The following ZNF343 variants were observed in gnomAD, a reference collection of about 807,000 sequenced individuals.
The protein encoded by ZNF343 is zinc finger protein 343.
ZNF343 carries 11 observed loss-of-function variants against 13.8 expected under a neutral mutation model. That is an observed-to-expected ratio of 0.80 (90% confidence interval 0.50 to 1.32). ZNF343 has a LOEUF of 1.32. Among genes scored for constraint, ZNF343 ranks in the 40% most tolerant of loss-of-function variants. ZNF343 has a pLI of 0.00. For synonymous variants in ZNF343, 248 were observed against 260.0 expected, an observed-to-expected ratio of 0.95 and a Z score of 0.44; for missense variants, 658 against 714.2, an observed-to-expected ratio of 0.92 and a Z score of 0.90.
Position 2,483,785 on chromosome 20 carries a change from A to C in ZNF343, c.1176T>G (p.Asp392Glu), listed in dbSNP as rs764438522. 3.7e-6 allele frequency: 6 copies of C among 1,612,500 alleles called. No homozygotes were observed. The highest frequency in any genetic ancestry group is 5.1e-6 in the Non-Finnish European group (6 of 1,179,670). Residue 392 changes from aspartate to glutamate, a missense_variant, in exon 6 of 6, where the codon GAT becomes GAG. Physicochemically the swap from Asp to Glu is conservative, Grantham distance 45 (BLOSUM62 2). Coordinates refer to ENST00000278772, the MANE Select transcript of ZNF343 (RefSeq NM_024325.6). ...VCLECGRSFC[D>E]KSTLRKHQRI... ...TCTGGTGTTTTCTGAGGGTTGACTT[A>C]TCACAAAAGCTTCGTCCACACTCCA...
At chr20:2,499,988 ATAT>A (rs1045011332) in intron 2 of ZNF343, among the ~76,000 whole-genome samples, 11 of 152,208 alleles carry the variant, frequency 7.2e-5, no homozygotes, top group African/African-American at 2.7e-4. Flanking sequence ...GAATGTGGTA[ATAT>A]TATGGTTACA....
chr20:2,489,662 G>A (rs186963072), intron 5 of ZNF343, among the ~76,000 whole-genome samples: 282 of 152,296 alleles, frequency 1.9e-3, no homozygotes, highest in Non-Finnish European at 2.2e-3. Flanking sequence ...TAACCAAGAG[G>A]TAATGTGAGA....
intron 5 of ZNF343, 77 bp downstream of exon 5, chr20:2,492,622 A>AT: frequency 1.9e-6 from 3 of 1,550,012 alleles, no homozygotes; most frequent in South Asian, 2.4e-5. Context: ...TATCTAGAAC[A>AT]TTTTTTTGTG....
At position 2,493,934 on chromosome 20, in the gene ZNF343, C is replaced by T; in HGVS notation, c.-39G>A. 7.4e-7 allele frequency: 1 copy of T among 1,346,156 alleles called. No individual in the cohort carries two copies. The highest frequency in any genetic ancestry group is 1.1e-6 in the Non-Finnish European group (1 of 936,034). The allele number at this position is 1,346,156 out of a possible 1,614,324, so 83.4% of individuals were successfully genotyped here. A position where few individuals can be genotyped will look rare whatever the true frequency, so the allele number is the denominator to read the frequency against. ...GCCCAGTGTGTGCCTTGAAATTCTG[C>T]CAGAGGTCCAGGTAGATGTTATTTC... On this transcript the variant is annotated 5_prime_UTR_variant, in exon 3 of 6. Coordinates refer to ENST00000278772, the MANE Select transcript of ZNF343 (RefSeq NM_024325.6).
At chr20:2,495,461 T>C (rs1436880993) in intron 2 of ZNF343, 7 of 152,212 alleles carry the variant, frequency 4.6e-5, no homozygotes, top group East Asian at 1.9e-4. Context: ...TTTCTAAGCA[T>C]TGCATAATTC....
chr20:2,504,385 G>A (rs1600072815), intron 1 of ZNF343, among the ~76,000 whole-genome samples: 1 of 152,228 alleles, frequency 6.6e-6, no homozygotes, highest in South Asian at 2.1e-4. Context: ...GGAGGAGCTG[G>A]TACCATTCCT....
chr20:2,490,902 G>A (rs1046359685), intron 5 of ZNF343, among the ~76,000 whole-genome samples: 9 of 152,152 alleles, frequency 5.9e-5, no homozygotes, highest in East Asian at 1.9e-4. Flanking sequence ...GAACGAGTCC[G>A]AAATGGATGA....
In ZNF343 at chr20:2,499,281, C is replaced by T. The variant is rs551667433; in HGVS notation, c.-150+1375G>A. Among the ~76,000 whole-genome samples, 16 of 126,910 alleles carry T rather than the reference C, an allele frequency of 1.3e-4. No homozygotes were observed. In the South Asian group the frequency reaches 1.7e-3, roughly 13 times the overall value. The allele number at this position is 126,910 out of a possible 152,430, so 83.3% of individuals were successfully genotyped here. A position where few individuals can be genotyped will look rare whatever the true frequency, so the allele number is the denominator to read the frequency against. ...GAGATCGAGACCATCCCGGCTAAAACGGTGAAACCCCGTCTCTACTAAAAA... is the reference window on the plus strand; with the variant it reads ...GAGATCGAGACCATCCCGGCTAAAATGGTGAAACCCCGTCTCTACTAAAAA... On this transcript the variant is annotated intron_variant, in intron 2 of 5. Coordinates refer to ENST00000278772, the MANE Select transcript of ZNF343 (RefSeq NM_024325.6).
chr20:2,522,628 G>A (rs529166704), intron 1 of ZNF343, among the ~76,000 whole-genome samples: 2 of 152,210 alleles, frequency 1.3e-5, no homozygotes, highest in South Asian at 2.1e-4. Flanking sequence ...TATTTACTCC[G>A]ACTCATAATA....
At chr20:2,503,131 A>G (rs2085597599) in intron 1 of ZNF343, among the ~76,000 whole-genome samples, 1 of 152,208 alleles carries the variant, frequency 6.6e-6, no homozygotes. Flanking sequence ...TACCAAGCAA[A>G]TGGAAAACAA....
chr20:2,522,235 G>A (rs539545561), intron 1 of ZNF343, among the ~76,000 whole-genome samples: 38 of 152,286 alleles, frequency 2.5e-4, no homozygotes, highest in African/African-American at 8.9e-4. Context: ...CACATAACAA[G>A]TTAGGTTAAG....
intron 1 of ZNF343, among the ~76,000 whole-genome samples, chr20:2,503,032 G>C (rs1484724645): frequency 6.6e-6 from 1 of 152,164 alleles, no homozygotes; most frequent in African/African-American, 2.4e-5. Flanking sequence ...TGGATAAAGA[G>C]TCAAGACCCA....
At chr20:2,520,625 G>T (rs2085778126) in intron 1 of ZNF343, among the ~76,000 whole-genome samples, 1 of 151,920 alleles carries the variant, frequency 6.6e-6, no homozygotes, top group African/African-American at 2.4e-5. Flanking sequence ...TATTTTACTA[G>T]ATATGCTCTA....
rs1172220043 is a variant in ZNF343, at chr20:2,508,230, G to A, written c.-237+651C>T. ...CAGGGACTCCTGACCCAAGACACTC[G>A]CCCAGGCCCTCTCAGGATATTTTGA... is the stretch of plus-strand genomic sequence containing the variant. On this transcript the variant is annotated intron_variant, in intron 1 of 5. Coordinates refer to ENST00000278772, the MANE Select transcript of ZNF343 (RefSeq NM_024325.6). This position sits in a 1 kb window ranked among gnomAD's most constrained non-coding sequence, Gnocchi z 4.5. 6.6e-6 allele frequency among the ~76,000 whole-genome samples: 1 copy of A among 151,838 alleles called. No individual in the cohort carries two copies. Among genetic ancestry groups the A allele is most frequent in the Non-Finnish European group, 1.5e-5 (1 of 67,962 alleles).
chr20:2,489,784 A>C (rs1447925864), intron 5 of ZNF343, among the ~76,000 whole-genome samples: 1 of 152,262 alleles, frequency 6.6e-6, no homozygotes, highest in Non-Finnish European at 1.5e-5. Flanking sequence ...AGATTATTTC[A>C]GAAAGAATTG....
rs751933784 is a variant in ZNF343, at chr20:2,493,580, AGG to A, written c.119-5_119-4del. 1 of 1,612,714 alleles carries A rather than the reference AGG, an allele frequency of 6.2e-7. No individual in the cohort carries two copies. Among genetic ancestry groups the A allele is most frequent in the South Asian group, 1.1e-5 (1 of 91,024 alleles). On this transcript the variant is annotated splice_region_variant and splice_polypyrimidine_tract_variant and intron_variant, in intron 3 of 5. Coordinates refer to ENST00000278772, the MANE Select transcript of ZNF343 (RefSeq NM_024325.6). ...GTCAGTATCATTAGAAGGCAAGCCT[AGG>A]GAAAGAAAAAGAAGCTATGAGAAAC...
chr20:2,501,843 A>G (rs185642239), intron 1 of ZNF343, among the ~76,000 whole-genome samples: 20 of 152,338 alleles, frequency 1.3e-4, no homozygotes, highest in Admixed American at 3.3e-4. Context: ...AAAGGTACAT[A>G]AAACCACAAA....
rs988608671 is a variant in ZNF343, at chr20:2,484,352, A to T, written c.609T>A (p.Ser203Arg). ...FPSPLQRQSA[S>R]PRKGNMVVET... Reference sequence around the variant, plus strand: ...CTACCACCATGTTGCCTTTTCTAGGACTTGCTGACTGTCTTTGGAGTGGGC... The same window carrying T: ...CTACCACCATGTTGCCTTTTCTAGGTCTTGCTGACTGTCTTTGGAGTGGGC... Residue 203 changes from serine (S) to arginine (R), a missense_variant, in exon 6 of 6, where the codon AGT becomes AGA. Transcript: ENST00000278772. 5.6e-6 allele frequency: 9 copies of T among 1,614,040 alleles called. No homozygotes were observed. The African/African-American group carries it at 9.3e-5, about 17-fold the overall frequency.
chr20:2,506,722 A>C (rs2085664020), intron 1 of ZNF343, among the ~76,000 whole-genome samples: 1 of 152,062 alleles, frequency 6.6e-6, no homozygotes, highest in Non-Finnish European at 1.5e-5. Context: ...ACATGTTCTC[A>C]CTCATAGGTG....
Sources: allele counts gnomAD v4.1 joint callset (sites outside exome capture counted in the v4.1 genomes callset), GRCh38; gene constraint gnomAD v4.1.1; non-coding constraint Gnocchi (gnomAD v3.1); transcripts MANE v1.5; gene names NCBI Gene and HGNC (gene_info 2026-07-23, HGNC 2026-07-21).